Variants in SYT6 observed in about 807,000 individuals in gnomAD.
SYT6 encodes synaptotagmin 6, also known as synaptotagmin-6.
Under a neutral mutation model 38.4 loss-of-function variants are expected in SYT6, and 24 were observed. That is an observed-to-expected ratio of 0.62 (90% confidence interval 0.45 to 0.88). The LOEUF (loss-of-function observed/expected upper bound fraction) is 0.88. SYT6 is among the 40% of genes least tolerant of loss of function. The pLI, the probability that SYT6 is intolerant of heterozygous loss-of-function variation, is 0.00. For missense variants in SYT6, 611 were observed against 621.0 expected, an observed-to-expected ratio of 0.98 and a Z score of 0.17; for synonymous variants, 265 against 241.9, an observed-to-expected ratio of 1.10 and a Z score of -0.89.
At chr1:114,126,604 G>T (rs1222487907) in intron 3 of SYT6, among the ~76,000 whole-genome samples, 1 of 152,210 alleles carries the variant, frequency 6.6e-6, no homozygotes, top group South Asian at 2.1e-4. Context: ...GAGCAAGGTG[G>T]GGGGAAGCAA....
Position 114,139,959 on chromosome 1 carries a change from G to T in SYT6, c.168C>A (p.Thr56=). ...ERSPSAAGAG[T]SVSLLAVVVI... is the part of the protein sequence containing the mutation. ...CTACAACTGCGAGGAGGCTGACAGAGGTGCCTGCCCTCGGCATGAGCCAGG... is the reference window on the plus strand; with the variant it reads ...CTACAACTGCGAGGAGGCTGACAGATGTGCCTGCCCTCGGCATGAGCCAGG... Residue 56 remains threonine (T), a synonymous_variant, in exon 2 of 8, where the codon ACC becomes ACA. Coordinates refer to ENST00000610222, the MANE Select transcript of SYT6 (RefSeq NM_001253772.2). The T allele has an allele frequency of 6.7e-7, 1 of 1,497,302 alleles. No homozygotes were observed. The highest frequency in any genetic ancestry group is 8.9e-7 in the Non-Finnish European group (1 of 1,124,862). 92.8% of individuals were successfully genotyped at this position (1,497,302 alleles called of 1,614,324 possible). A position where few individuals can be genotyped will look rare whatever the true frequency, so the allele number is the denominator to read the frequency against.
At chr1:114,121,157 C>G (rs1270957989) in intron 3 of SYT6, among the ~76,000 whole-genome samples, 1 of 152,204 alleles carries the variant, frequency 6.6e-6, no homozygotes, top group East Asian at 1.9e-4. Context: ...TCTGAGAAGA[C>G]CATGGCCCCT....
chr1:114,119,589 C>T (rs887685852), intron 3 of SYT6, among the ~76,000 whole-genome samples: 12 of 152,166 alleles, frequency 7.9e-5, no homozygotes, highest in Non-Finnish European at 1.3e-4. Context: ...GGAGATATTA[C>T]GTTAAAGAGT....
intron 3 of SYT6, among the ~76,000 whole-genome samples, chr1:114,108,955 T>A (rs1225129247): frequency 6.6e-6 from 1 of 152,122 alleles, no homozygotes; most frequent in Non-Finnish European, 1.5e-5. Flanking sequence ...CCTAAAAAGA[T>A]CTCAGAAGCA....
At chr1:114,102,839 G>C (rs1292400953) in intron 4 of SYT6, among the ~76,000 whole-genome samples, 1 of 150,336 alleles carries the variant, frequency 6.7e-6, no homozygotes, top group Non-Finnish European at 1.5e-5. Flanking sequence ...ATGAGGGAAG[G>C]AGGCTCCCAA....
chr1:114,116,679 G>C (rs898282680), intron 3 of SYT6, among the ~76,000 whole-genome samples: 2 of 152,128 alleles, frequency 1.3e-5, no homozygotes, highest in East Asian at 3.9e-4. Context: ...TAGGAAGCAA[G>C]AGGCCCCAAG....
At chr1:114,133,402 T>C (rs1008553457) in intron 3 of SYT6, among the ~76,000 whole-genome samples, 15 of 152,208 alleles carry the variant, frequency 9.9e-5, no homozygotes, top group Non-Finnish European at 2.2e-4. Flanking sequence ...TTAGAGATGT[T>C]AGCAAACCCG....
intron 1 of SYT6, among the ~76,000 whole-genome samples, chr1:114,144,506 G>T (rs1412872159): frequency 1.3e-5 from 2 of 152,132 alleles, no homozygotes; most frequent in Non-Finnish European, 2.9e-5. Context: ...GTCTGTCTCT[G>T]GTTAAACTGT....
At chr1:114,153,560 A>G in intron 1 of SYT6, 50 bp downstream of exon 1, 1 of 572,258 alleles carries the variant, frequency 1.7e-6, no homozygotes, top group Non-Finnish European at 3.1e-6. Flanking sequence ...GGGAAGGGAG[A>G]TCGCAGGACG....
chr1:114,145,815 A>G (rs1447525184), intron 1 of SYT6, among the ~76,000 whole-genome samples: 1 of 152,166 alleles, frequency 6.6e-6, no homozygotes, highest in Non-Finnish European at 1.5e-5. Flanking sequence ...AGTAGGGGGA[A>G]TCTAGAGAGC....
At chr1:114,113,975 A>C (rs1164418644) in intron 3 of SYT6, among the ~76,000 whole-genome samples, 1 of 152,126 alleles carries the variant, frequency 6.6e-6, no homozygotes, top group Admixed American at 6.5e-5. Context: ...CTCTCCTCAC[A>C]GGCTTCCTCA....
intron 3 of SYT6, among the ~76,000 whole-genome samples, chr1:114,108,601 T>G (rs1676472467): frequency 6.6e-6 from 1 of 152,198 alleles, no homozygotes; most frequent in Non-Finnish European, 1.5e-5. Flanking sequence ...CTATCAGCCA[T>G]CACCAACTGA....
chr1:114,111,277 T>C (rs1361574606), intron 3 of SYT6, among the ~76,000 whole-genome samples: 2 of 152,238 alleles, frequency 1.3e-5, no homozygotes, highest in East Asian at 3.8e-4. Context: ...TATGATGTCA[T>C]ATAATCTTCA....
At chr1:114,129,970 C>A (rs574884180) in intron 3 of SYT6, among the ~76,000 whole-genome samples, 1 of 152,170 alleles carries the variant, frequency 6.6e-6, no homozygotes, top group Admixed American at 6.5e-5. Flanking sequence ...CAGGAGTGAG[C>A]CACTGTGCCT....
chr1:114,112,973 G>A (rs140859754), intron 3 of SYT6, among the ~76,000 whole-genome samples: 4 of 152,186 alleles, frequency 2.6e-5, no homozygotes, highest in Non-Finnish European at 5.9e-5. Context: ...GTCTCCTGGG[G>A]CAGCTGAGGA....
At chr1:114,129,534 CTTTCT>C (rs1274312035) in intron 3 of SYT6, among the ~76,000 whole-genome samples, 1 of 150,990 alleles carries the variant, frequency 6.6e-6, no homozygotes, top group African/African-American at 2.4e-5. Flanking sequence ...CTCTTTCTTT[CTTTCT>C]TTTTTTTCTG....
At chr1:114,146,864 G>T (rs1427411594) in intron 1 of SYT6, among the ~76,000 whole-genome samples, 1 of 152,150 alleles carries the variant, frequency 6.6e-6, no homozygotes, top group East Asian at 1.9e-4. Flanking sequence ...TAAATTGGGG[G>T]TAATAATAGT....
At chr1:114,136,439 C>T (rs1386383029) in intron 3 of SYT6, among the ~76,000 whole-genome samples, 1 of 152,232 alleles carries the variant, frequency 6.6e-6, no homozygotes, top group Non-Finnish European at 1.5e-5. Flanking sequence ...CCCCACTGAG[C>T]TCTCAGCTGC....
chr1:114,093,628 T>A, intron 7 of SYT6, 107 bp downstream of exon 7: 1 of 1,076,546 alleles, frequency 9.3e-7, no homozygotes, highest in Non-Finnish European at 1.3e-6. Context: ...CCAAGTGTTC[T>A]TTCCACTCCA....
Sources: allele counts gnomAD v4.1 joint callset (sites outside exome capture counted in the v4.1 genomes callset), GRCh38; gene constraint gnomAD v4.1.1; transcripts MANE v1.5; gene names NCBI Gene and HGNC (gene_info 2026-07-23, HGNC 2026-07-21).